Variants in IL23R observed in about 807,000 individuals in gnomAD.
IL23R encodes interleukin 23 receptor.
In IL23R, 34 loss-of-function variants were observed where a neutral mutation model predicts 56.9. The ratio of observed to expected loss-of-function variants is 0.60; its 90% CI spans 0.45 to 0.80. The LOEUF is 0.80. Among genes scored for constraint, IL23R ranks in the 30% least tolerant of loss-of-function variants. The pLI is 0.00. For missense variants in IL23R, 635 were observed against 730.0 expected, an observed-to-expected ratio of 0.87 and a Z score of 1.50; for synonymous variants, 230 against 249.2, an observed-to-expected ratio of 0.92 and a Z score of 0.73.
rs562114787 is a variant in IL23R at position 67,227,085 on chromosome 1, T to C, written c.955+7355T>C. Among the ~76,000 whole-genome samples, 207 of 152,326 alleles carry C rather than the reference T, an allele frequency of 1.4e-3. 1 individual carries two copies. Among genetic ancestry groups the C allele is most frequent in the African/African-American group, 4.8e-3 (200 of 41,578 alleles). On this transcript the variant is annotated intron_variant, in intron 7 of 10. Transcript: ENST00000347310. ...AGAGCTTCTGATCCACCAACCTTGA[T>C]AGGCACTGTTATCCTGGGGTCTTTC...
At chr1:67,193,388 T>A (rs1416681172) in intron 4 of IL23R, among the ~76,000 whole-genome samples, 1 of 152,234 alleles carries the variant, frequency 6.6e-6, no homozygotes, top group Non-Finnish European at 1.5e-5. Context: ...ATCTGTTTTG[T>A]TCATTGTAGC....
chr1:67,187,857 G>A (rs546227045), intron 4 of IL23R, among the ~76,000 whole-genome samples: 3 of 152,176 alleles, frequency 2.0e-5, no homozygotes, highest in East Asian at 1.9e-4. Flanking sequence ...CTTGAGGTCC[G>A]GAGTTCAAGA....
intron 1 of IL23R, among the ~76,000 whole-genome samples, chr1:67,156,736 G>A (rs535814894): frequency 6.8e-4 from 104 of 152,310 alleles, no homozygotes; most frequent in African/African-American, 2.4e-3. Flanking sequence ...GTGGTTTTTA[G>A]CTTGCTGGGC....
Position 67,169,658 on chromosome 1 carries a change from T to C in IL23R, c.367+20T>C, listed in dbSNP as rs11465780. On this transcript the variant is annotated intron_variant, in intron 3 of 10. Coordinates refer to ENST00000347310, the MANE Select transcript of IL23R (RefSeq NM_144701.3). ...CTGGATGTAAGTGTTGGGGCACATT[T>C]GAAATGCAAACAAAAGCTAGTTTAA... 830 of 1,609,332 alleles carry C rather than the reference T, an allele frequency of 5.2e-4. 8 individuals carry two copies. In the African/African-American group the frequency reaches 0.01, roughly 20 times the overall value.
intron 5 of IL23R, among the ~76,000 whole-genome samples, chr1:67,201,833 G>A (rs948708965): frequency 1.3e-4 from 20 of 151,922 alleles, no homozygotes; most frequent in African/African-American, 4.6e-4. Flanking sequence ...TTATATATTA[G>A]TAATAAACAT....
chr1:67,196,940 G>A (rs1021791446), intron 4 of IL23R, among the ~76,000 whole-genome samples: 3 of 152,318 alleles, frequency 2.0e-5, no homozygotes, highest in East Asian at 1.9e-4. Context: ...TTAGTTGTCA[G>A]TTTTCTATAG....
intron 4 of IL23R, among the ~76,000 whole-genome samples, chr1:67,193,826 G>C (rs1360010058): frequency 6.6e-6 from 1 of 152,116 alleles, no homozygotes; most frequent in Non-Finnish European, 1.5e-5. Context: ...TTCTGACTCT[G>C]TCTACCTGGA....
At chr1:67,242,859 T>G (rs1463571103) in intron 9 of IL23R, among the ~76,000 whole-genome samples, 1 of 152,190 alleles carries the variant, frequency 6.6e-6, no homozygotes, top group Non-Finnish European at 1.5e-5. Flanking sequence ...CCAGAAAACA[T>G]GCATTGAAAG....
At chr1:67,243,100 C>T (rs1021521158) in intron 9 of IL23R, among the ~76,000 whole-genome samples, 1 of 152,094 alleles carries the variant, frequency 6.6e-6, no homozygotes, top group Non-Finnish European at 1.5e-5. Context: ...GCCTTAAGGA[C>T]TCTGGAAGGA....
intron 7 of IL23R, among the ~76,000 whole-genome samples, chr1:67,227,520 G>A (rs1039738887): frequency 6.6e-6 from 1 of 151,650 alleles, no homozygotes; most frequent in African/African-American, 2.4e-5. Flanking sequence ...AACAGTATTG[G>A]TTGTTGCACT....
chr1:67,217,605 G>A (rs1649931995), intron 6 of IL23R, among the ~76,000 whole-genome samples: 2 of 151,722 alleles, frequency 1.3e-5, no homozygotes, highest in Admixed American at 6.6e-5. Flanking sequence ...CTAGATCCCA[G>A]GAGACCTCAG....
chr1:67,179,086 G>T (rs1392975985), intron 3 of IL23R, among the ~76,000 whole-genome samples: 3 of 152,102 alleles, frequency 2.0e-5, no homozygotes, highest in Non-Finnish European at 4.4e-5. Context: ...CTCTTTTTTG[G>T]TTGTGTCTCT....
intron 1 of IL23R, among the ~76,000 whole-genome samples, chr1:67,160,155 G>A (rs1350403116): frequency 6.6e-6 from 1 of 152,056 alleles, no homozygotes; most frequent in Non-Finnish European, 1.5e-5. Flanking sequence ...GCCCAGCCTG[G>A]TACGTTCTCA....
chr1:67,149,763 G>T (rs938201611), intron 1 of IL23R, among the ~76,000 whole-genome samples: 2 of 152,154 alleles, frequency 1.3e-5, no homozygotes, highest in Admixed American at 1.3e-4. Context: ...TTGGATGAAT[G>T]ACCCAGTAAG....
chr1:67,172,725 AG>A (rs1646958814), intron 3 of IL23R, among the ~76,000 whole-genome samples: 1 of 152,322 alleles, frequency 6.6e-6, no homozygotes, highest in Admixed American at 6.5e-5. Context: ...ATTCAATAAA[AG>A]CCTCTGAATA....
chr1:67,204,042 G>T (rs1648821970), intron 5 of IL23R, among the ~76,000 whole-genome samples: 1 of 152,190 alleles, frequency 6.6e-6, no homozygotes, highest in African/African-American at 2.4e-5. Flanking sequence ...TTAAAAATAT[G>T]ACATCTATAA....
At chr1:67,209,159 T>C (rs1021627527) in intron 6 of IL23R, among the ~76,000 whole-genome samples, 2 of 152,236 alleles carry the variant, frequency 1.3e-5, no homozygotes, top group African/African-American at 4.8e-5. Context: ...ATCTAGGAAG[T>C]AACTAACTTG....
chr1:67,236,692 ACT>A lies in IL23R; in HGVS notation c.956-18_956-17del, dbSNP rs111662792. ...AGAGTGCAAAATGTAAGAAACTGAC[ACT>A]CTTTCCTTTTGGTTTAAGTTCCCCA... On this transcript the variant is annotated intron_variant, in intron 7 of 10. Transcript: ENST00000347310. 4,194 of 1,530,868 alleles carry A rather than the reference ACT, an allele frequency of 2.7e-3. 93 individuals carry two copies. In the African/African-American group the frequency reaches 0.051, roughly 19 times the overall value. 94.8% of individuals were successfully genotyped at this position (1,530,868 alleles called of 1,614,324 possible). A position where few individuals can be genotyped will look rare whatever the true frequency, so the allele number is the denominator to read the frequency against.
intron 4 of IL23R, among the ~76,000 whole-genome samples, chr1:67,184,044 G>C (rs1424319572): frequency 1.3e-5 from 2 of 152,030 alleles, no homozygotes; most frequent in Non-Finnish European, 2.9e-5. Context: ...GATCAGCCTG[G>C]CCAACATGGT....
Sources: allele counts gnomAD v4.1 joint callset (sites outside exome capture counted in the v4.1 genomes callset), GRCh38; gene constraint gnomAD v4.1.1; transcripts MANE v1.5; gene names NCBI Gene and HGNC (gene_info 2026-07-23, HGNC 2026-07-21).